PRR14L: variants seen among roughly 807,000 people sequenced by gnomAD.
The protein encoded by PRR14L is protein PRR14L.
PRR14L carries 80 observed loss-of-function variants against 155.0 expected under a neutral mutation model. That is an observed-to-expected ratio of 0.52 (90% CI 0.43 to 0.62). The LOEUF (loss-of-function observed/expected upper bound fraction) is 0.62. Among genes scored for constraint, PRR14L ranks in the 20% least tolerant of loss-of-function variants. The pLI, the probability that PRR14L is intolerant of heterozygous loss-of-function variation, is 0.00. For synonymous variants in PRR14L, 883 were observed against 916.0 expected (o/e 0.96, Z 0.65); for missense variants, 2,469 against 2,548.0 (o/e 0.97, Z 0.67).
chr22:31,696,329 T>A (rs1280537929), intron 7 of PRR14L, among the ~76,000 whole-genome samples: 1 of 151,990 alleles, frequency 6.6e-6, no homozygotes, highest in Non-Finnish European at 1.5e-5. Context: ...TTAATAGAGA[T>A]GGGGTTTCAC....
rs1223568760 is a variant in PRR14L at position 31,713,441 on chromosome 22, G to C, written c.4398C>G (p.Asp1466Glu). 6.4e-7 allele frequency: 1 copy of C among 1,551,718 alleles called. No individual in the cohort carries two copies. The highest frequency in any genetic ancestry group is 8.7e-7 in the Non-Finnish European group (1 of 1,147,012). ...GATGATGTAACCTTTCCTCCTTCTG[G>C]TCTTCTAACTTCTGAGTCTGTGCCA... ...SIVAQTQKLE[D>E]QKEERLHHPL... Residue 1466 changes from aspartate (D) to glutamate (E), a missense_variant, in exon 4 of 9, where the codon GAC becomes GAG. By Grantham distance (45) the Asp-to-Glu change is conservative. Around this residue, in one of 2 missense-constraint regions of PRR14L, gnomAD observed 2,363 missense variants for 2,371.6 expected, o/e 1.00. Coordinates refer to ENST00000327423, the MANE Select transcript of PRR14L (RefSeq NM_173566.3).
rs2074632428 is a variant in PRR14L, at chr22:31,713,000, TG to T, written c.4838del (p.Ser1613Ter). On this transcript the variant is annotated frameshift_variant, in exon 4 of 9. Transcript: ENST00000327423. LOFTEE classifies it high-confidence loss of function. ...GGATGGACAGCTTGTTTAGTAAGGCTGATTCTTTGGTAGTCTTCCTAAAATT... is the reference window on the plus strand; with the variant it reads ...GGATGGACAGCTTGTTTAGTAAGGCTATTCTTTGGTAGTCTTCCTAAAATT... ...SLNFRKTTKE[S>X]ALLNKLSILA... 6.4e-7 allele frequency: 1 copy of T among 1,552,092 alleles called. No homozygotes were observed. Among genetic ancestry groups the T allele is most frequent in the African/African-American group, 1.4e-5 (1 of 73,174 alleles).
At chr22:31,727,625 A>G (rs1232034367) in intron 2 of PRR14L, among the ~76,000 whole-genome samples, 1 of 152,168 alleles carries the variant, frequency 6.6e-6, no homozygotes, top group Non-Finnish European at 1.5e-5. Context: ...AAAGCAAGTT[A>G]TCCCTCACAG....
rs1409649827 is a variant in PRR14L, at chr22:31,715,971, A to G, written c.1868T>C (p.Leu623Ser). ...IQTSHDDIPL[L>S]DEQSIACEMN... ...CTCACAGGCTATGCTCTGTTCATCT[A>G]AAAGTGGAATATCATCATGTGAGGT... Residue 623 changes from leucine to serine, a missense_variant, in exon 4 of 9, where the codon TTA (leucine) becomes TCA (serine). Leu to Ser is a moderately radical substitution (Grantham distance 145). Transcript: ENST00000327423. 1.2e-5 allele frequency: 18 copies of G among 1,551,514 alleles called. No homozygotes were observed. Among genetic ancestry groups the G allele is most frequent in the Non-Finnish European group, 1.6e-5 (18 of 1,146,946 alleles).
chr22:31,720,915 C>T lies in PRR14L; in HGVS notation c.548-3624G>A, dbSNP rs148637710. On this transcript the variant is annotated intron_variant, in intron 3 of 8. Transcript: ENST00000327423. ...TCACTACTGTGGGAATTAAGTCTCA[C>T]AATAATGAGTAGGAACTAATATTGC... is the stretch of plus-strand genomic sequence containing the variant. Among the ~76,000 whole-genome samples, 27 of 152,274 alleles carry T rather than the reference C, an allele frequency of 1.8e-4. No individual in the cohort carries two copies. The East Asian group carries it at 4.8e-3, about 27-fold the overall frequency.
Position 31,738,687 on chromosome 22 carries a change from A to G in PRR14L, c.174T>C (p.Ser58=). 1 of 1,551,978 alleles carries G rather than the reference A, an allele frequency of 6.4e-7. No individual in the cohort carries two copies. The highest frequency in any genetic ancestry group is 8.7e-7 in the Non-Finnish European group (1 of 1,147,062). ...GCTCCAAGGGCAATGCCCTATTCTGACTTAAAAGAGAGCTTGAGGCTCCAG... is the reference window on the plus strand; with the variant it reads ...GCTCCAAGGGCAATGCCCTATTCTGGCTTAAAAGAGAGCTTGAGGCTCCAG... ...VKPGASSSLL[S]QNRALPLELQ... The change falls in exon 2 of 9, where the codon AGT becomes AGC. Residue 58 remains serine (S), a synonymous_variant. Transcript: ENST00000327423.
Position 31,681,408 on chromosome 22 carries a change from A to G in PRR14L, c.*4119T>C, listed in dbSNP as rs2074453160. The G allele has an allele frequency of 6.6e-6, 1 of 152,256 alleles. No homozygotes were observed. 9.4% of individuals were successfully genotyped at this position (152,256 alleles called of 1,614,324 possible). ...TAACACACATAACAGTGGAAATCTT[A>G]GAGTCACAAACTACCAAACAGAAAA... On this transcript the variant is annotated 3_prime_UTR_variant, in exon 9 of 9. Transcript: ENST00000327423.
intron 4 of PRR14L, among the ~76,000 whole-genome samples, chr22:31,709,564 C>T (rs1221489146): frequency 1.8e-4 from 17 of 94,528 alleles, no homozygotes; most frequent in Admixed American, 8.0e-4. Flanking sequence ...TTTTTTGAGA[C>T]GGAGTCTTGC....
chr22:31,696,228 G>A (rs1463769487), intron 7 of PRR14L, among the ~76,000 whole-genome samples: 9 of 151,342 alleles, frequency 5.9e-5, no homozygotes, highest in Non-Finnish European at 1.2e-4. Context: ...TGCAACCACC[G>A]CCTTTTGGGT....
intron 1 of PRR14L, among the ~76,000 whole-genome samples, chr22:31,747,641 CACACCTACAG>C (rs1475090391): frequency 1.3e-5 from 2 of 151,706 alleles, no homozygotes; most frequent in African/African-American, 4.8e-5. Flanking sequence ...TTCAGAAAAG[CACACCTACAG>C]ACACCAACAA....
chr22:31,690,301 G>A (rs935810446), intron 7 of PRR14L, among the ~76,000 whole-genome samples: 1 of 151,984 alleles, frequency 6.6e-6, no homozygotes, highest in Non-Finnish European at 1.5e-5. Flanking sequence ...CACCCACCTC[G>A]GCCTCTGAAA....
At chr22:31,718,421 A>G (rs1258173863) in intron 3 of PRR14L, among the ~76,000 whole-genome samples, 1 of 151,616 alleles carries the variant, frequency 6.6e-6, no homozygotes, top group Non-Finnish European at 1.5e-5. Flanking sequence ...ACACCTGGCT[A>G]ATTTCTTTTT....
chr22:31,713,216 T>C lies in PRR14L; in HGVS notation c.4623A>G (p.Ile1541Met). ...YQEQIIVGRK[I>M]GKIRSSAFLK... Reference sequence around the variant, plus strand: ...AAAAGGCAGAACTTCTGATTTTACCTATTTTTCTCCCAACAATGATTTGCT... The same window carrying C: ...AAAAGGCAGAACTTCTGATTTTACCCATTTTTCTCCCAACAATGATTTGCT... Residue 1541 changes from isoleucine to methionine, a missense_variant, in exon 4 of 9, where the codon ATA becomes ATG. Transcript: ENST00000327423. 1.3e-6 allele frequency: 2 copies of C among 1,551,938 alleles called. No homozygotes were observed. Among genetic ancestry groups the C allele is most frequent in the Non-Finnish European group, 1.7e-6 (2 of 1,147,044 alleles).
chr22:31,735,484 G>A (rs961062976), intron 2 of PRR14L, among the ~76,000 whole-genome samples: 1 of 151,514 alleles, frequency 6.6e-6, no homozygotes, highest in East Asian at 1.9e-4. Context: ...TAGTTCTTAG[G>A]TTGATTGTTA....
intron 4 of PRR14L, among the ~76,000 whole-genome samples, chr22:31,709,354 G>C (rs2074608493): frequency 1.3e-5 from 2 of 151,278 alleles, no homozygotes; most frequent in African/African-American, 4.9e-5. Context: ...CCAGGTTCAA[G>C]GGATCCTCCT....
At chr22:31,688,925 C>CACACACAAAAAA (rs1165552534) in intron 7 of PRR14L, among the ~76,000 whole-genome samples, 2 of 151,240 alleles carry the variant, frequency 1.3e-5, no homozygotes, top group African/African-American at 4.9e-5. Flanking sequence ...CACACACACA[C>CACACACAAAAAA]AAAAACCCTT....
At chr22:31,708,159 A>C (rs985574946) in intron 4 of PRR14L, among the ~76,000 whole-genome samples, 2 of 152,044 alleles carry the variant, frequency 1.3e-5, no homozygotes, top group African/African-American at 4.8e-5. Flanking sequence ...CAGGAAAAAA[A>C]AACAACAAAA....
chr22:31,742,660 C>T (rs2074818828), intron 1 of PRR14L, among the ~76,000 whole-genome samples: 1 of 152,158 alleles, frequency 6.6e-6, no homozygotes. Context: ...AGCCACTGCA[C>T]CTGGCCTAAA....
At chr22:31,743,174 C>T (rs767672560) in intron 1 of PRR14L, among the ~76,000 whole-genome samples, 16 of 152,034 alleles carry the variant, frequency 1.1e-4, no homozygotes, top group Non-Finnish European at 1.9e-4. Context: ...TGGTGGCACG[C>T]GCCTGTAGTC....
Sources: gnomAD v4.1 joint callset for allele counts (sites outside exome capture counted in the v4.1 genomes callset) on GRCh38, gnomAD v4.1.1 for gene constraint, gnomAD v4.1.1 regional missense constraint, MANE v1.5 for transcripts, NCBI Gene and HGNC (gene_info 2026-07-23, HGNC 2026-07-21) for gene names.